The following NR3C1 variants were observed in gnomAD, a reference collection of about 807,000 sequenced individuals.
NR3C1 encodes the protein glucocorticoid receptor.
A neutral mutation model predicts 74.0 loss-of-function variants in NR3C1; 14 were observed. The ratio of observed to expected loss-of-function variants is 0.19; its 90% confidence interval spans 0.12 to 0.30. The LOEUF is 0.30. Ranked by LOEUF, NR3C1 falls within the 10% of genes least tolerant of loss-of-function variation. The pLI is 1.00. For missense variants in NR3C1, 695 were observed against 909.8 expected (o/e 0.76, Z 3.04); for synonymous variants, 308 against 332.5 (o/e 0.93, Z 0.80).
At chr5:143,283,501 G>C (rs998377464) in intron 7 of NR3C1, among the ~76,000 whole-genome samples, 3 of 152,196 alleles carry the variant, frequency 2.0e-5, no homozygotes, top group African/African-American at 7.2e-5. Context: ...GAGATAGATA[G>C]AAGGCTTCAA....
chr5:143,332,999 G>A lies in NR3C1; in HGVS notation c.1185-18831C>T. Reference sequence around the variant, plus strand: ...AGGTCAAGAATAAGACCATCCCTCTGACAGACAACACAGTGATTGAGGAGC... The same window carrying A: ...AGGTCAAGAATAAGACCATCCCTCTAACAGACAACACAGTGATTGAGGAGC... On this transcript the variant is annotated intron_variant, in intron 2 of 8. Coordinates refer to ENST00000394464, the MANE Select transcript of NR3C1 (RefSeq NM_000176.3). The A allele has an allele frequency of 1.9e-6, 3 of 1,587,522 alleles. No individual in the cohort carries two copies. The South Asian group carries it at 3.3e-5, about 17-fold the overall frequency.
chr5:143,400,036 G>A lies in NR3C1; in HGVS notation c.804C>T (p.Pro268=), dbSNP rs6199. 220 of 1,614,120 alleles carry A rather than the reference G, an allele frequency of 1.4e-4. 2 individuals carry two copies. In the East Asian group the frequency reaches 4.1e-3, roughly 30 times the overall value. Residue 268 remains proline (P), a synonymous_variant, in exon 2 of 9, where the codon CCC becomes CCT. Transcript: ENST00000394464. ...KDNGDLVLSS[P]SNVTLPQVKT... is the part of the protein sequence containing the mutation. Reference sequence around the variant, plus strand: ...TCACTTGGGGCAGTGTTACATTACTGGGGCTTGACAAAACCAGATCTCCAT... The same window carrying A: ...TCACTTGGGGCAGTGTTACATTACTAGGGCTTGACAAAACCAGATCTCCAT...
At chr5:143,340,938 G>C (rs1277716370) in intron 2 of NR3C1, among the ~76,000 whole-genome samples, 1 of 152,106 alleles carries the variant, frequency 6.6e-6, no homozygotes, top group East Asian at 1.9e-4. Flanking sequence ...ATTAGGCCCA[G>C]TACCCAATAG....
rs183711388 is a variant in NR3C1 at position 143,306,927 on chromosome 5, C to T, written c.1468+3170G>A. Among the ~76,000 whole-genome samples the T allele has an allele frequency of 4.2e-3, 470 of 110,664 alleles. 13 individuals carry two copies. In the South Asian group the frequency reaches 0.068, roughly 16 times the overall value. 72.6% of individuals were successfully genotyped at this position (110,664 alleles called of 152,430 possible). Reference sequence around the variant, plus strand: ...TTTTTTTTTTTTTGAGACGGAGTCTCGCTCTGTCGCCCAGGCTGGAGTGCA... The same window carrying T: ...TTTTTTTTTTTTTGAGACGGAGTCTTGCTCTGTCGCCCAGGCTGGAGTGCA... On this transcript the variant is annotated intron_variant, in intron 4 of 8. Coordinates refer to ENST00000394464, the MANE Select transcript of NR3C1 (RefSeq NM_000176.3).
chr5:143,403,943 C>T (rs1261882884), upstream of NR3C1: 51 of 984,812 alleles, frequency 5.2e-5, no homozygotes, highest in Non-Finnish European at 5.8e-5. Context: ...CCGCCCCCAA[C>T]TCCCCAGGAA....
At chr5:143,294,344 AT>A in intron 7 of NR3C1, 1 of 913,562 alleles carries the variant, frequency 1.1e-6, no homozygotes, top group Non-Finnish European at 1.3e-6. Flanking sequence ...TTGATATGTA[AT>A]TTTTACTTGA....
intron 2 of NR3C1, among the ~76,000 whole-genome samples, chr5:143,374,289 G>A (rs1000505240): frequency 1.3e-5 from 2 of 152,022 alleles, no homozygotes; most frequent in Non-Finnish European, 2.9e-5. Flanking sequence ...TCAGGAGATC[G>A]GGACCATCCT....
chr5:143,365,138 A>G (rs1832964754), intron 2 of NR3C1, among the ~76,000 whole-genome samples: 1 of 152,258 alleles, frequency 6.6e-6, no homozygotes, highest in Non-Finnish European at 1.5e-5. Flanking sequence ...GAAAGAAGGT[A>G]GTAATGGAAG....
intron 2 of NR3C1, among the ~76,000 whole-genome samples, chr5:143,351,576 T>A (rs1417345280): frequency 3.3e-5 from 5 of 152,130 alleles, no homozygotes; most frequent in Admixed American, 2.0e-4. Flanking sequence ...CACAGACAAT[T>A]GTCCCTTTTG....
chr5:143,417,332 C>T (rs1411522636), intron 1 of NR3C1, among the ~76,000 whole-genome samples: 1 of 152,056 alleles, frequency 6.6e-6, no homozygotes, highest in Non-Finnish European at 1.5e-5. Flanking sequence ...TTTACATAAA[C>T]TTTATACTTC....
chr5:143,405,863 A>G (rs1419742662), upstream of NR3C1, among the ~76,000 whole-genome samples: 1 of 152,126 alleles, frequency 6.6e-6, no homozygotes, highest in Non-Finnish European at 1.5e-5. Flanking sequence ...CTGTGAGGCT[A>G]TGAGAACACT....
intron 2 of NR3C1, among the ~76,000 whole-genome samples, chr5:143,346,228 G>C (rs1435330950): frequency 2.0e-5 from 3 of 152,220 alleles, no homozygotes; most frequent in South Asian, 4.1e-4. Flanking sequence ...GGTCAACCCA[G>C]GGGCTGTGTC....
intron 7 of NR3C1, among the ~76,000 whole-genome samples, chr5:143,286,839 A>G (rs1202784527): frequency 6.6e-6 from 1 of 151,990 alleles, no homozygotes; most frequent in Non-Finnish European, 1.5e-5. Context: ...AACACTCAGG[A>G]TAGACCATAT....
chr5:143,413,692 G>A (rs1199820737), intron 1 of NR3C1, among the ~76,000 whole-genome samples: 2 of 152,100 alleles, frequency 1.3e-5, no homozygotes, highest in Non-Finnish European at 2.9e-5. Flanking sequence ...AGTTGTTCCT[G>A]GGAGGGGTTT....
intron 2 of NR3C1, among the ~76,000 whole-genome samples, chr5:143,356,029 A>T (rs1831066224): frequency 6.6e-6 from 1 of 152,208 alleles, no homozygotes; most frequent in Non-Finnish European, 1.5e-5. Flanking sequence ...ATAGATCAAC[A>T]GAGAAAGAGG....
At chr5:143,286,009 A>G (rs954718917) in intron 7 of NR3C1, among the ~76,000 whole-genome samples, 3 of 151,802 alleles carry the variant, frequency 2.0e-5, no homozygotes, top group African/African-American at 7.2e-5. Flanking sequence ...TTAAATACCA[A>G]TGTCGGGAAT....
chr5:143,390,728 A>G (rs1838080132), intron 2 of NR3C1, among the ~76,000 whole-genome samples: 1 of 152,216 alleles, frequency 6.6e-6, no homozygotes, highest in Admixed American at 6.5e-5. Context: ...TATTCAAAAC[A>G]GAATTAAACA....
intron 2 of NR3C1, among the ~76,000 whole-genome samples, chr5:143,331,629 C>A (rs372312195): frequency 6.6e-6 from 1 of 152,112 alleles, no homozygotes; most frequent in Non-Finnish European, 1.5e-5. Flanking sequence ...ATGTCCTTTG[C>A]GGCAACATGG....
chr5:143,288,752 C>T (rs1379618396), intron 7 of NR3C1, among the ~76,000 whole-genome samples: 1 of 152,128 alleles, frequency 6.6e-6, no homozygotes, highest in Non-Finnish European at 1.5e-5. Context: ...GAATTACAGG[C>T]ATGAACTACC....
Sources: gnomAD v4.1 joint callset for allele counts (sites outside exome capture counted in the v4.1 genomes callset) on GRCh38, gnomAD v4.1.1 for gene constraint, MANE v1.5 for transcripts, NCBI Gene and HGNC (gene_info 2026-07-23, HGNC 2026-07-21) for gene names.